Variants in PRRX2 observed in about 807,000 individuals in gnomAD.
The protein encoded by PRRX2 is paired related homeobox 2.
PRRX2 carries 11 observed loss-of-function variants against 18.0 expected under a neutral mutation model. The observed-to-expected ratio is 0.61, with a 90% CI of 0.39 to 1.01. PRRX2 has a LOEUF of 1.01. PRRX2 is among the 50% of genes least tolerant of loss of function. PRRX2 has a pLI of 0.01. For synonymous variants in PRRX2, 177 were observed against 154.8 expected (o/e 1.14, Z -1.06); for missense variants, 387 against 351.0 (o/e 1.10, Z -0.82).
rs1320390197 is a variant in PRRX2 at position 129,720,717 on chromosome 9, C to T, written c.569C>T (p.Pro190Leu). ...GCCGCCATCGAGCAGCCCGTGGCTC[C>T]CCGGCCCACCGCCCTGAGTCCAGAT... ...QEAAIEQPVA[P>L]RPTALSPDYL... The change falls in exon 3 of 4, where the codon CCC becomes CTC. Residue 190 changes from proline (P) to leucine (L), a missense_variant. Pro to Leu is a moderately conservative substitution (Grantham distance 98, BLOSUM62 -3). Coordinates refer to ENST00000372469, the MANE Select transcript of PRRX2 (RefSeq NM_016307.4). 6.2e-7 allele frequency: 1 copy of T among 1,612,616 alleles called. No homozygotes were observed. The highest frequency in any genetic ancestry group is 1.1e-5 in the South Asian group (1 of 90,884).
chr9:129,686,148 AG>A (rs762118955), intron 1 of PRRX2, among the ~76,000 whole-genome samples: 9 of 152,070 alleles, frequency 5.9e-5, no homozygotes, highest in Non-Finnish European at 1.3e-4. Context: ...CGTAGGGGGC[AG>A]GGGCACCCAG....
In PRRX2 at chr9:129,692,093, A is replaced by G. The variant is rs1260115108; in HGVS notation, c.259+25967A>G. On this transcript the variant is annotated intron_variant, in intron 1 of 3. Coordinates refer to ENST00000372469, the MANE Select transcript of PRRX2 (RefSeq NM_016307.4). ...CAAGTAGCTGGGACTATACAGGTACACACCACCACGCCTGGCTAGTTTTTG... is the reference window on the plus strand; with the variant it reads ...CAAGTAGCTGGGACTATACAGGTACGCACCACCACGCCTGGCTAGTTTTTG... 3.3e-5 allele frequency among the ~76,000 whole-genome samples: 5 copies of G among 151,650 alleles called. No individual in the cohort carries two copies. In the East Asian group the frequency reaches 9.7e-4, roughly 30 times the overall value.
In PRRX2 at chr9:129,700,838, C is replaced by T. The variant is rs1832484614; in HGVS notation, c.260-18393C>T. ...TTTGCCATGTTGTCCAGGCTGGTCC[C>T]AAACTCCTGGCCTGAAGCGATCCAC... On this transcript the variant is annotated intron_variant, in intron 1 of 3. Coordinates refer to ENST00000372469, the MANE Select transcript of PRRX2 (RefSeq NM_016307.4). 3.3e-5 allele frequency among the ~76,000 whole-genome samples: 5 copies of T among 151,510 alleles called. 1 individual carries two copies. The highest frequency in any genetic ancestry group is 1.3e-4 in the Admixed American group (2 of 15,196).
At chr9:129,683,074 C>T (rs563402194) in intron 1 of PRRX2, among the ~76,000 whole-genome samples, 1 of 152,168 alleles carries the variant, frequency 6.6e-6, no homozygotes, top group South Asian at 2.1e-4. Flanking sequence ...CGCCACTACA[C>T]TCCAGCCTGG....
At chr9:129,705,513 C>T (rs1223681702) in intron 1 of PRRX2, among the ~76,000 whole-genome samples, 1 of 152,070 alleles carries the variant, frequency 6.6e-6, no homozygotes, top group Non-Finnish European at 1.5e-5. Flanking sequence ...TGCCACCATG[C>T]CCGGCTAATT....
chr9:129,706,631 G>A (rs760377995), intron 1 of PRRX2, among the ~76,000 whole-genome samples: 1 of 152,134 alleles, frequency 6.6e-6, no homozygotes, highest in South Asian at 2.1e-4. Flanking sequence ...GGGAGGCTGA[G>A]GTGGGAGGAT....
In PRRX2 at chr9:129,665,846, C is replaced by A. The variant is rs1281923317; in HGVS notation, c.-22C>A. 2.1e-5 allele frequency: 22 copies of A among 1,030,850 alleles called. No individual in the cohort carries two copies. Among genetic ancestry groups the A allele is most frequent in the Non-Finnish European group, 1.9e-5 (16 of 861,950 alleles). The allele number at this position is 1,030,850 out of a possible 1,614,324, so 63.9% of individuals were successfully genotyped here. ...ACCCGAGCCCGAGACCCCCGCCGGC[C>A]CCCCCGGGGCCGCTCGCGGGCATGG... On this transcript the variant is annotated 5_prime_UTR_variant, in exon 1 of 4. Coordinates refer to ENST00000372469, the MANE Select transcript of PRRX2 (RefSeq NM_016307.4). This position sits in a 1 kb window ranked among gnomAD's most constrained non-coding sequence, Gnocchi z 5.3.
Position 129,709,307 on chromosome 9 carries a change from C to T in PRRX2, c.260-9924C>T, listed in dbSNP as rs1271516262. Among the ~76,000 whole-genome samples the T allele has an allele frequency of 6.6e-6, 1 of 152,166 alleles. No homozygotes were observed. Among genetic ancestry groups the T allele is most frequent in the Non-Finnish European group, 1.5e-5 (1 of 68,028 alleles). On this transcript the variant is annotated intron_variant, in intron 1 of 3. Coordinates refer to ENST00000372469, the MANE Select transcript of PRRX2 (RefSeq NM_016307.4). The surrounding 1 kb of genome is among the most constrained non-coding windows in gnomAD (Gnocchi z 4.2). ...GTCATGTATTTAGGGGTGAGGCTCCCGACCCCAGAGAGACCCAGATACACC... is the reference window on the plus strand; with the variant it reads ...GTCATGTATTTAGGGGTGAGGCTCCTGACCCCAGAGAGACCCAGATACACC...
intron 1 of PRRX2, among the ~76,000 whole-genome samples, chr9:129,701,383 C>T (rs1304399379): frequency 6.6e-6 from 1 of 152,194 alleles, no homozygotes. Flanking sequence ...CAGGTATTGT[C>T]GAGGCACTTT....
chr9:129,668,828 C>A (rs1430732290), intron 1 of PRRX2, among the ~76,000 whole-genome samples: 1 of 147,924 alleles, frequency 6.8e-6, no homozygotes, highest in Non-Finnish European at 1.5e-5. Flanking sequence ...AAAGAGATGG[C>A]ACCAAAGAGG....
At chr9:129,698,142 C>T (rs1399748428) in intron 1 of PRRX2, among the ~76,000 whole-genome samples, 1 of 151,868 alleles carries the variant, frequency 6.6e-6, no homozygotes, top group African/African-American at 2.4e-5. Flanking sequence ...GGTGCTCTGC[C>T]TTTCTGGACC....
chr9:129,668,778 CAAAAAA>C (rs562855941), intron 1 of PRRX2, among the ~76,000 whole-genome samples: 1 of 58,670 alleles, frequency 1.7e-5, no homozygotes, highest in African/African-American at 5.7e-5. Context: ...GACTCCATCT[CAAAAAA>C]AAAAAAAAAA....
intron 1 of PRRX2, among the ~76,000 whole-genome samples, chr9:129,705,073 C>T (rs544603700): frequency 6.6e-6 from 1 of 152,346 alleles, no homozygotes; most frequent in South Asian, 2.1e-4. Flanking sequence ...GACATGAACC[C>T]CTCTCTTAGA....
chr9:129,684,806 T>C (rs1832283810), intron 1 of PRRX2, among the ~76,000 whole-genome samples: 1 of 152,206 alleles, frequency 6.6e-6, no homozygotes, highest in African/African-American at 2.4e-5. Flanking sequence ...ACATCTCATG[T>C]ATTGTCTCAC....
At chr9:129,688,854 C>T (rs1832325239) in intron 1 of PRRX2, among the ~76,000 whole-genome samples, 1 of 152,214 alleles carries the variant, frequency 6.6e-6, no homozygotes, top group Non-Finnish European at 1.5e-5. Context: ...CACACAGCAC[C>T]ACCCTCTGGT....
chr9:129,710,731 C>CA (rs918373260), intron 1 of PRRX2, among the ~76,000 whole-genome samples: 1 of 152,010 alleles, frequency 6.6e-6, no homozygotes, highest in Non-Finnish European at 1.5e-5. Context: ...GACTCCATCT[C>CA]AAAAAACAAA....
chr9:129,687,719 C>T (rs574372602), intron 1 of PRRX2, among the ~76,000 whole-genome samples: 3 of 152,306 alleles, frequency 2.0e-5, no homozygotes, highest in East Asian at 1.9e-4. Flanking sequence ...TCATCACACC[C>T]GAGATTTGGG....
At position 129,719,879 on chromosome 9, in the gene PRRX2, T is replaced by TG. The variant is rs566703897; in HGVS notation, c.447+464dup. Among the ~76,000 whole-genome samples the TG allele has an allele frequency of 2.9e-3, 439 of 152,110 alleles. 2 individuals carry two copies. Among genetic ancestry groups the TG allele is most frequent in the African/African-American group, 9.9e-3 (411 of 41,494 alleles). ...GCGCGCGCCTGTAATCCCAGCTGCTTGGGTGGCTGAGGCAGGAGAATCGCT... is the reference window on the plus strand; with the variant it reads ...GCGCGCGCCTGTAATCCCAGCTGCTTGGGGTGGCTGAGGCAGGAGAATCGCT... On this transcript the variant is annotated intron_variant, in intron 2 of 3. Coordinates refer to ENST00000372469, the MANE Select transcript of PRRX2 (RefSeq NM_016307.4).
At position 129,671,296 on chromosome 9, in the gene PRRX2, A is replaced by G. The variant is rs752785734; in HGVS notation, c.259+5170A>G. ...AACTGCTGGGCCTCCCAGCGTGGCT[A>G]GGGCGGGACAGTGGCCTGCATCTCG... On this transcript the variant is annotated intron_variant, in intron 1 of 3. Coordinates refer to ENST00000372469, the MANE Select transcript of PRRX2 (RefSeq NM_016307.4). The surrounding 1 kb of genome is among the most constrained non-coding windows in gnomAD (Gnocchi z 4.0). 2.6e-4 allele frequency among the ~76,000 whole-genome samples: 39 copies of G among 152,174 alleles called. No homozygotes were observed. The highest frequency in any genetic ancestry group is 5.3e-4 in the Non-Finnish European group (36 of 68,022).
Sources: gnomAD v4.1 joint callset for allele counts (sites outside exome capture counted in the v4.1 genomes callset) on GRCh38, gnomAD v4.1.1 for gene constraint, Gnocchi (gnomAD v3.1) non-coding constraint, MANE v1.5 for transcripts, NCBI Gene and HGNC (gene_info 2026-07-23, HGNC 2026-07-21) for gene names.